MIPOL1: variants seen among roughly 807,000 people sequenced by gnomAD.
The protein encoded by MIPOL1 is mirror-image polydactyly 1, also known as mirror-image polydactyly gene 1 protein.
A neutral mutation model predicts 60.9 loss-of-function variants in MIPOL1; 57 were observed. The observed-to-expected ratio is 0.94, with a 90% CI of 0.76 to 1.17. MIPOL1 has a LOEUF of 1.17. MIPOL1 is among the 50% of genes most tolerant of loss of function. MIPOL1 has a pLI of 0.00. For missense variants in MIPOL1, 551 were observed against 511.6 expected (o/e 1.08, Z -0.74); for synonymous variants, 179 against 168.8 (o/e 1.06, Z -0.47).
chr14:37,475,688 T>C (rs913201722), intron 11 of MIPOL1, among the ~76,000 whole-genome samples: 6 of 152,240 alleles, frequency 3.9e-5, no homozygotes, highest in Admixed American at 6.5e-5. Context: ...GAAACTATTC[T>C]TTGTCCATTT....
chr14:37,551,675 A>G (rs1398106586), downstream of MIPOL1: 3 of 151,794 alleles, frequency 2.0e-5, no homozygotes, highest in Non-Finnish European at 4.4e-5. Context: ...GATTGAGACC[A>G]TCCTGGCTAA....
At chr14:37,393,182 G>C (rs1273185909) in intron 10 of MIPOL1, among the ~76,000 whole-genome samples, 1 of 152,016 alleles carries the variant, frequency 6.6e-6, no homozygotes, top group African/African-American at 2.4e-5. Flanking sequence ...TTCCCTCTCA[G>C]ACCTTCCATA....
chr14:37,289,859 A>C (rs540761574), intron 7 of MIPOL1, among the ~76,000 whole-genome samples: 1 of 152,258 alleles, frequency 6.6e-6, no homozygotes, highest in South Asian at 2.1e-4. Context: ...TCCAGAAGGT[A>C]TCTAAGGGCT....
chr14:37,242,060 C>T (rs1035984986), intron 1 of MIPOL1, among the ~76,000 whole-genome samples: 1 of 150,932 alleles, frequency 6.6e-6, no homozygotes, highest in Admixed American at 6.6e-5. Flanking sequence ...TCATGAAGAT[C>T]ACTGTCTTTC....
At chr14:37,387,673 A>G (rs926901304) in intron 10 of MIPOL1, among the ~76,000 whole-genome samples, 2 of 151,996 alleles carry the variant, frequency 1.3e-5, no homozygotes, top group African/African-American at 4.8e-5. Flanking sequence ...ATTCTCTAAC[A>G]AAAATGTGAT....
At chr14:37,382,798 G>T (rs2092959826) in intron 10 of MIPOL1, among the ~76,000 whole-genome samples, 1 of 151,860 alleles carries the variant, frequency 6.6e-6, no homozygotes, top group Admixed American at 6.6e-5. Flanking sequence ...TGACTCCAAG[G>T]ATTAGATAGC....
chr14:37,546,950 G>T lies in MIPOL1; in HGVS notation c.1308G>T (p.Gly436=), dbSNP rs1335341251. The change falls in exon 13 of 13, where the codon GGG becomes GGT. Residue 436 remains glycine, a synonymous_variant. Transcript: ENST00000684589. ...TACTGAGGAAGAAGGTTGGAACCGG[G>T]ACCATGAGGACAGTGATCTGATTGA... The part of the protein sequence containing the change: ...VDVLRKKVGT[G]TMRTVI The T allele has an allele frequency of 6.2e-7, 1 of 1,610,328 alleles. No homozygotes were observed. The highest frequency in any genetic ancestry group is 8.5e-7 in the Non-Finnish European group (1 of 1,178,364).
chr14:37,382,356 A>G (rs2092947327), intron 10 of MIPOL1, among the ~76,000 whole-genome samples: 1 of 152,002 alleles, frequency 6.6e-6, no homozygotes, highest in Admixed American at 6.6e-5. Flanking sequence ...CTAAAAATAT[A>G]TTTTTAATAA....
chr14:37,322,396 C>G (rs995697864), intron 9 of MIPOL1, among the ~76,000 whole-genome samples: 1 of 151,916 alleles, frequency 6.6e-6, no homozygotes. Flanking sequence ...TTTTATATCA[C>G]TCTTTAGTTT....
In MIPOL1 at chr14:37,267,035, T is replaced by C; in HGVS notation, c.117T>C (p.His39=). 1.2e-6 allele frequency: 2 copies of C among 1,613,942 alleles called. No homozygotes were observed. Among genetic ancestry groups the C allele is most frequent in the Non-Finnish European group, 1.7e-6 (2 of 1,179,950 alleles). The part of the protein sequence containing the change: ...QLTMNSEKSM[H]RKSTELVNEI... The stretch of plus-strand genomic sequence containing the variant: ...CTATGAATTCTGAGAAAAGTATGCA[T>C]CGGAAATCCACTGAATTAGTTAATG... The change falls in exon 4 of 13, where the codon CAT becomes CAC. Residue 39 remains histidine, a synonymous_variant. Transcript: ENST00000684589.
chr14:37,428,479 TC>T (rs936791225), intron 11 of MIPOL1, among the ~76,000 whole-genome samples: 58 of 152,118 alleles, frequency 3.8e-4, no homozygotes, highest in African/African-American at 1.3e-3. Flanking sequence ...TCCCAGCTAC[TC>T]GGGAGGCTGA....
intron 1 of MIPOL1, among the ~76,000 whole-genome samples, chr14:37,222,208 C>T (rs1186308961): frequency 1.3e-5 from 2 of 150,678 alleles, no homozygotes; most frequent in Admixed American, 1.3e-4. Context: ...CAAAACCTAA[C>T]AGCGAAAACA....
intron 11 of MIPOL1, among the ~76,000 whole-genome samples, chr14:37,481,581 ACACACACAC>A (rs2094868455): frequency 6.7e-6 from 1 of 149,676 alleles, no homozygotes; most frequent in African/African-American, 2.5e-5. Context: ...ACACACACAC[ACACACACAC>A]ACACACACAC....
At chr14:37,454,263 G>A (rs2153577178) in intron 11 of MIPOL1, among the ~76,000 whole-genome samples, 1 of 152,244 alleles carries the variant, frequency 6.6e-6, no homozygotes, top group Non-Finnish European at 1.5e-5. Flanking sequence ...ACAGGCCTCA[G>A]GGTGCTCCCT....
At chr14:37,296,143 A>C (rs2085650168) in intron 7 of MIPOL1, among the ~76,000 whole-genome samples, 1 of 152,242 alleles carries the variant, frequency 6.6e-6, no homozygotes, top group Non-Finnish European at 1.5e-5. Context: ...ACTCAGGATT[A>C]AGAAACTCAC....
intron 12 of MIPOL1, among the ~76,000 whole-genome samples, chr14:37,538,522 T>A (rs1173078360): frequency 2.6e-5 from 4 of 152,336 alleles, no homozygotes; most frequent in Middle Eastern, 3.4e-3. Context: ...AAATGAGCTA[T>A]ATTTACTAAG....
intron 12 of MIPOL1, among the ~76,000 whole-genome samples, chr14:37,513,111 T>C (rs969925777): frequency 6.6e-6 from 1 of 152,110 alleles, no homozygotes; most frequent in African/African-American, 2.4e-5. Flanking sequence ...TCATAAGATA[T>C]ACAACATCTA....
Position 37,211,082 on chromosome 14 carries a change from A to G in MIPOL1, c.-199+12978A>G, listed in dbSNP as rs541765054. Among the ~76,000 whole-genome samples the G allele has an allele frequency of 5.3e-5, 8 of 152,330 alleles. No individual in the cohort carries two copies. In the East Asian group the frequency reaches 1.5e-3, roughly 29 times the overall value. The stretch of plus-strand genomic sequence containing the variant: ...ATGCTTGATTTCCTTCACTGTCATA[A>G]TCTTTGCAAAGGCAGTTTCAGATGT... On this transcript the variant is annotated intron_variant, in intron 1 of 12. Transcript: ENST00000684589.
At position 37,398,380 on chromosome 14, in the gene MIPOL1, C is replaced by T. The variant is rs73267923; in HGVS notation, c.937-24475C>T. On this transcript the variant is annotated intron_variant, in intron 10 of 12. Coordinates refer to ENST00000684589, the MANE Select transcript of MIPOL1 (RefSeq NM_001388067.1). Reference sequence around the variant, plus strand: ...TTCCTTCACAGGGTCTGTGGGTCCTCTTAGGATTCCTGGTTTGTTCTTGCA... The same window carrying T: ...TTCCTTCACAGGGTCTGTGGGTCCTTTTAGGATTCCTGGTTTGTTCTTGCA... Among the ~76,000 whole-genome samples, 78 of 152,264 alleles carry T rather than the reference C, an allele frequency of 5.1e-4. 1 individual carries two copies. The highest frequency in any genetic ancestry group is 1.8e-3 in the African/African-American group (76 of 41,558).
Sources: gnomAD v4.1 joint callset for allele counts (sites outside exome capture counted in the v4.1 genomes callset) on GRCh38, gnomAD v4.1.1 for gene constraint, MANE v1.5 for transcripts, NCBI Gene and HGNC (gene_info 2026-07-23, HGNC 2026-07-21) for gene names.